Variants in BDH1 observed in about 807,000 individuals in gnomAD.
The protein encoded by BDH1 is D-beta-hydroxybutyrate dehydrogenase, mitochondrial.
BDH1 carries 30 observed loss-of-function variants against 33.1 expected under a neutral mutation model. The observed-to-expected ratio is 0.91, with a 90% CI of 0.68 to 1.23. The LOEUF (loss-of-function observed/expected upper bound fraction) is 1.23, where lower values mean the gene tolerates loss of function less well. Among genes scored for constraint, BDH1 ranks in the 50% most tolerant of loss-of-function variants. The probability of loss-of-function intolerance (pLI) is 0.00; values close to 1 mark genes in which losing one functional copy is unlikely to be tolerated. For missense variants in BDH1, 443 were observed against 464.4 expected (o/e 0.95, Z 0.42); for synonymous variants, 190 against 183.6 (o/e 1.03, Z -0.28).
chr3:197,530,072 TATC>T (rs1307566457), intron 5 of BDH1: 1 of 152,202 alleles, frequency 6.6e-6, no homozygotes, highest in Non-Finnish European at 1.5e-5. Context: ...GCACAGGTGA[TATC>T]TGCAGAGGAA....
chr3:197,553,978 C>T (rs1286452283), intron 2 of BDH1, among the ~76,000 whole-genome samples: 1 of 152,188 alleles, frequency 6.6e-6, no homozygotes, highest in Non-Finnish European at 1.5e-5. Flanking sequence ...ATTTCAAACC[C>T]GAGGACACAA....
In BDH1 at chr3:197,562,104, A is replaced by G. The variant is rs1019538663; in HGVS notation, c.-44+11077T>C. 2.0e-5 allele frequency among the ~76,000 whole-genome samples: 3 copies of G among 152,204 alleles called. 1 individual carries two copies. The highest frequency in any genetic ancestry group is 2.0e-4 in the Admixed American group (3 of 15,274). On this transcript the variant is annotated intron_variant, in intron 1 of 6. Transcript: ENST00000358186. ...TGACCTCTTTGGCTTTGGGGGAACC[A>G]GAGATGACCTTGCACTGTGAGAGGA...
chr3:197,515,717 C>A lies in BDH1; in HGVS notation c.410-1301G>T, dbSNP rs1015022366. ...GTGCTACCTGCTCTCCCTCCCTCCA[C>A]GCCAGGCTTCCAAGAACTCTATCCT... On this transcript the variant is annotated intron_variant, in intron 6 of 7. Transcript: ENST00000392379. 7.3e-6 allele frequency: 7 copies of A among 954,080 alleles called. No individual in the cohort carries two copies. In the East Asian group the frequency reaches 7.2e-4, roughly 98 times the overall value. The allele number at this position is 954,080 out of a possible 1,614,324, so 59.1% of individuals were successfully genotyped here. A position where few individuals can be genotyped will look rare whatever the true frequency, so the allele number is the denominator to read the frequency against.
intron 7 of BDH1, 152 bp from the exon 8 acceptor site, chr3:197,512,516 G>A (rs113465932): frequency 3.7e-6 from 3 of 806,078 alleles, no homozygotes; most frequent in Admixed American, 2.9e-5. Context: ...TCAGGCCCAC[G>A]CATCAGCATC....
In BDH1 at chr3:197,526,899, A is replaced by G. The variant is rs1157508637; in HGVS notation, c.268-4118T>C. ...TCCGGGGAGTTCAAGAACTTGGAGA[A>G]GTCCAGAAGCTCTCCAAGGCATTCA... On this transcript the variant is annotated intron_variant, in intron 5 of 7. Transcript: ENST00000392379. The surrounding 1 kb of genome is among the most constrained non-coding windows in gnomAD (Gnocchi z 4.7). 3.3e-5 allele frequency among the ~76,000 whole-genome samples: 5 copies of G among 152,226 alleles called. No individual in the cohort carries two copies. The highest frequency in any genetic ancestry group is 5.9e-5 in the Non-Finnish European group (4 of 68,042).
chr3:197,532,565 A>G (rs751901468), intron 4 of BDH1, 43 bp from the exon 5 acceptor site: 37 of 1,490,368 alleles, frequency 2.5e-5, no homozygotes, highest in Non-Finnish European at 3.4e-5. Context: ...CCGGTGGTAC[A>G]GGGGCAAAGT....
At chr3:197,532,042 C>T (rs1460658243) in intron 5 of BDH1, among the ~76,000 whole-genome samples, 3 of 152,192 alleles carry the variant, frequency 2.0e-5, no homozygotes, top group African/African-American at 4.8e-5. Flanking sequence ...CGAACATTCT[C>T]GCACACCCCT....
intron 2 of BDH1, among the ~76,000 whole-genome samples, chr3:197,552,130 C>T (rs974578540): frequency 6.6e-6 from 1 of 152,222 alleles, no homozygotes; most frequent in African/African-American, 2.4e-5. Flanking sequence ...CTGTGCAAAA[C>T]TGAGCCTGTG....
At chr3:197,548,352 A>G (rs962278982) in intron 2 of BDH1, among the ~76,000 whole-genome samples, 39 of 152,222 alleles carry the variant, frequency 2.6e-4, no homozygotes, top group African/African-American at 9.2e-4. Flanking sequence ...TCCAAGACCC[A>G]GGACCAGAGT....
rs889048134 is a variant in BDH1, at chr3:197,528,526, C to G, written c.267+3886G>C. On this transcript the variant is annotated intron_variant, in intron 5 of 7. Coordinates refer to ENST00000392379, the MANE Select transcript of BDH1 (RefSeq NM_203314.3). This position sits in a 1 kb window ranked among gnomAD's most constrained non-coding sequence, Gnocchi z 5.1. ...GGAATCCATCATGGGGCTAACACTA[C>G]AGAATCGGGCTAGAAGCAAATTCCC... 5.9e-5 allele frequency: 9 copies of G among 152,178 alleles called. No individual in the cohort carries two copies. The highest frequency in any genetic ancestry group is 2.2e-4 in the African/African-American group (9 of 41,428). The allele number at this position is 152,178 out of a possible 1,614,324, so 9.4% of individuals were successfully genotyped here.
At chr3:197,553,667 G>C (rs1171625710) in intron 2 of BDH1, among the ~76,000 whole-genome samples, 1 of 152,156 alleles carries the variant, frequency 6.6e-6, no homozygotes, top group Non-Finnish European at 1.5e-5. Flanking sequence ...TAGGATCTGT[G>C]GCAGTAATCC....
rs540323378 is a variant in BDH1 at position 197,524,076 on chromosome 3, T to C, written c.268-1295A>G. 3.3e-5 allele frequency among the ~76,000 whole-genome samples: 5 copies of C among 152,372 alleles called. No homozygotes were observed. In the East Asian group the frequency reaches 9.6e-4, roughly 29 times the overall value. On this transcript the variant is annotated intron_variant, in intron 5 of 7. Coordinates refer to ENST00000392379, the MANE Select transcript of BDH1 (RefSeq NM_203314.3). ...CCCTCGTGTCACCAGGCAGGCTGCA[T>C]TGTCACATTTCATCCTATTCTATGA...
rs911698578 is a variant in BDH1 at position 197,526,732 on chromosome 3, C to T, written c.268-3951G>A. Among the ~76,000 whole-genome samples the T allele has an allele frequency of 1.3e-5, 2 of 152,210 alleles. No individual in the cohort carries two copies. The highest frequency in any genetic ancestry group is 4.8e-5 in the African/African-American group (2 of 41,446). On this transcript the variant is annotated intron_variant, in intron 5 of 7. Coordinates refer to ENST00000392379, the MANE Select transcript of BDH1 (RefSeq NM_203314.3). This position sits in a 1 kb window ranked among gnomAD's most constrained non-coding sequence, Gnocchi z 4.7. The stretch of plus-strand genomic sequence containing the variant: ...CCTGCCCAGGTAGAAGGATAGCCCT[C>T]TCCCGACCAGCTCTCCGTGCTCCGC...
At chr3:197,542,605 C>G (rs950809608) in intron 3 of BDH1, among the ~76,000 whole-genome samples, 3 of 149,562 alleles carry the variant, frequency 2.0e-5, no homozygotes, top group Non-Finnish European at 4.4e-5. Context: ...CTCACCGCAA[C>G]CTCTTCCTCC....
At chr3:197,552,414 C>T (rs906720741) in intron 2 of BDH1, among the ~76,000 whole-genome samples, 31 of 152,306 alleles carry the variant, frequency 2.0e-4, no homozygotes, top group African/African-American at 5.5e-4. Flanking sequence ...GATCATGTCA[C>T]GCCTCACCAA....
At chr3:197,536,088 G>A (rs905798198) in intron 3 of BDH1, among the ~76,000 whole-genome samples, 1 of 151,976 alleles carries the variant, frequency 6.6e-6, no homozygotes, top group African/African-American at 2.4e-5. Flanking sequence ...TACTTCTTAA[G>A]TCTATGATCC....
chr3:197,564,284 A>C (rs1425063588), intron 1 of BDH1, among the ~76,000 whole-genome samples: 1 of 152,084 alleles, frequency 6.6e-6, no homozygotes, highest in African/African-American at 2.4e-5. Flanking sequence ...CATGTCATGA[A>C]CAGTCTGTGT....
chr3:197,514,050 C>A lies in BDH1; in HGVS notation c.562+214G>T. The A allele has an allele frequency of 1.8e-6, 1 of 564,604 alleles. No homozygotes were observed. 35.0% of individuals were successfully genotyped at this position (564,604 alleles called of 1,614,324 possible). A position where few individuals can be genotyped will look rare whatever the true frequency, so the allele number is the denominator to read the frequency against. ...CTTTAAGCTTTTGCTGCATGGACCA[C>A]TGACCTCTTACCTGCTCTGCTTCCT... is the stretch of plus-strand genomic sequence containing the variant. On this transcript the variant is annotated intron_variant, in intron 7 of 7. Transcript: ENST00000392379. The surrounding 1 kb of genome is among the most constrained non-coding windows in gnomAD (Gnocchi z 4.2).
At chr3:197,533,861 T>TA in intron 3 of BDH1, 2 of 397,458 alleles carry the variant, frequency 5.0e-6, no homozygotes, top group Non-Finnish European at 9.0e-6. Context: ...CCCACTCCAA[T>TA]AAAGTTCCAT....
Sources: gnomAD v4.1 joint callset for allele counts (sites outside exome capture counted in the v4.1 genomes callset) on GRCh38, gnomAD v4.1.1 for gene constraint, Gnocchi (gnomAD v3.1) non-coding constraint, MANE v1.5 for transcripts, NCBI Gene and HGNC (gene_info 2026-07-23, HGNC 2026-07-21) for gene names.